The following IL32 variants were observed in gnomAD, a reference collection of about 807,000 sequenced individuals.
IL32 encodes interleukin 32, also known as interleukin-32.
A neutral mutation model predicts 16.6 loss-of-function variants in IL32; 30 were observed. That is an observed-to-expected ratio of 1.81 (90% CI 1.35 to 2.45). The LOEUF is 2.45. Among genes scored for constraint, IL32 ranks in the 30% most tolerant of loss-of-function variants. The pLI, the probability that IL32 is intolerant of heterozygous loss-of-function variation, is 0.00. For missense variants in IL32, 234 were observed against 229.8 expected (o/e 1.02, Z -0.12); for synonymous variants, 70 against 86.1 (o/e 0.81, Z 1.03).
At position 3,067,964 on chromosome 16, in the gene IL32, G is replaced by C. The variant is rs765291149; in HGVS notation, c.115-20G>C. Reference sequence around the variant, plus strand: ...GCAGAGGAGGCTTGGGCCTGGAACCGAGTGCTTTGTTCCTAACAGGTGATG... The same window carrying C: ...GCAGAGGAGGCTTGGGCCTGGAACCCAGTGCTTTGTTCCTAACAGGTGATG... On this transcript the variant is annotated intron_variant, in intron 4 of 6. Coordinates refer to ENST00000525643, the MANE Select transcript of IL32 (RefSeq NM_001376923.1). The C allele has an allele frequency of 6.2e-7, 1 of 1,613,968 alleles. No individual in the cohort carries two copies. The highest frequency in any genetic ancestry group is 8.5e-7 in the Non-Finnish European group (1 of 1,179,832).
At chr16:3,067,326 G>C in intron 2 of IL32, 51 bp from the exon 3 acceptor site, 1 of 950,412 alleles carries the variant, frequency 1.1e-6, no homozygotes, top group Non-Finnish European at 1.6e-6. Context: ...TTATCCTGGA[G>C]GAAAGGTTAA....
At chr16:3,065,583 G>A, upstream of IL32, 2 of 632,558 alleles carry the variant, frequency 3.2e-6, no homozygotes, top group Non-Finnish European at 5.7e-6. Flanking sequence ...CCTGAGAGAG[G>A]CTCCGCCCAC....
At chr16:3,066,972 TGTG>T (rs1956390518) in intron 2 of IL32, among the ~76,000 whole-genome samples, 1 of 111,774 alleles carries the variant, frequency 8.9e-6, no homozygotes, top group Non-Finnish European at 2.0e-5. Flanking sequence ...GCCCTGCTCT[TGTG>T]AGGAGGGGTC....
chr16:3,065,619 A>G (rs534234680), upstream of IL32: 1 of 702,388 alleles, frequency 1.4e-6, no homozygotes, highest in East Asian at 2.5e-5. Context: ...CCATAAAACC[A>G]GCTGAGTATT....
Position 3,068,941 on chromosome 16 carries a change from G to C in IL32, c.202-49G>C, listed in dbSNP as rs551525801. ...GAGGCCTGGGTGTGGCCAGGGCCTG[G>C]GGCTGACACCCCCACCTACAGACCC... On this transcript the variant is annotated intron_variant, in intron 6 of 6. Coordinates refer to ENST00000525643, the MANE Select transcript of IL32 (RefSeq NM_001376923.1). 61 of 1,601,080 alleles carry C rather than the reference G, an allele frequency of 3.8e-5. 2 individuals are homozygous for C. The African/African-American group carries it at 6.9e-4, about 18-fold the overall frequency.
At chr16:3,066,696 C>T (rs1049286250) in intron 2 of IL32, among the ~76,000 whole-genome samples, 1 of 152,278 alleles carries the variant, frequency 6.6e-6, no homozygotes, top group South Asian at 2.1e-4. Context: ...TAGGGTGGAC[C>T]TACCTGGCAC....
chr16:3,068,501 C>A (rs576739690), intron 6 of IL32: 1 of 491,012 alleles, frequency 2.0e-6, no homozygotes, highest in African/African-American at 1.9e-5. Context: ...TTAGTAGAGA[C>A]CAGGTTTCAC....
intron 3 of IL32, 26 bp from the exon 4 acceptor site, chr16:3,067,528 G>A: frequency 6.2e-7 from 1 of 1,614,016 alleles, no homozygotes; most frequent in East Asian, 2.2e-5. Context: ...CCGGCCCTTT[G>A]GTGCCAACTC....
rs1956234658 is a variant in IL32 at position 3,065,699 on chromosome 16, G to A, written c.-29+12G>A. 10 of 1,173,002 alleles carry A rather than the reference G, an allele frequency of 8.5e-6. No homozygotes were observed. Among genetic ancestry groups the A allele is most frequent in the Admixed American group, 1.7e-5 (1 of 59,112 alleles). The allele number at this position is 1,173,002 out of a possible 1,614,324, so 72.7% of individuals were successfully genotyped here. A position where few individuals can be genotyped will look rare whatever the true frequency, so the allele number is the denominator to read the frequency against. On this transcript the variant is annotated intron_variant, in intron 1 of 6. Coordinates refer to ENST00000525643, the MANE Select transcript of IL32 (RefSeq NM_001376923.1). ...CTGGGTCATCTCAGGTGGGGAGTTG[G>A]GGTCCCCGAAGGTGAGGACCCTCTG...
chr16:3,068,266 C>G, intron 6 of IL32, 27 bp downstream of exon 6: 1 of 1,554,130 alleles, frequency 6.4e-7, no homozygotes, highest in Non-Finnish European at 8.8e-7. Flanking sequence ...CATCTGGGCA[C>G]CTTGCCTTCC....
At chr16:3,067,219 G>A (rs1453802394) in intron 2 of IL32, among the ~76,000 whole-genome samples, 158 bp from the exon 3 acceptor site, 1 of 151,862 alleles carries the variant, frequency 6.6e-6, no homozygotes. Context: ...CAGGCTGTGA[G>A]GGGCTCCTGG....
intron 4 of IL32, 110 bp from the exon 5 acceptor site, chr16:3,067,874 G>C: frequency 1.5e-6 from 2 of 1,329,058 alleles, no homozygotes; most frequent in Non-Finnish European, 2.2e-6. Context: ...GCCCCTGGCT[G>C]GGCCCAGTTC....
intron 2 of IL32, among the ~76,000 whole-genome samples, chr16:3,066,241 C>CT (rs1567138403): frequency 1.3e-5 from 2 of 151,550 alleles, no homozygotes; most frequent in African/African-American, 4.9e-5. Context: ...CTACCACTGC[C>CT]CCACCGCAAA....
chr16:3,068,098 G>T, intron 5 of IL32, 82 bp from the exon 6 acceptor site: 1 of 1,604,564 alleles, frequency 6.2e-7, no homozygotes, highest in Non-Finnish European at 8.5e-7. Context: ...GTCCCCTTGG[G>T]AATCACCTGG....
At chr16:3,068,399 G>C in intron 6 of IL32, 160 bp downstream of exon 6, 3 of 661,606 alleles carry the variant, frequency 4.5e-6, no homozygotes, top group Non-Finnish European at 7.8e-6. Context: ...TCCAAATCTC[G>C]GGTTTAAGTG....
Position 3,067,271 on chromosome 16 carries a change from CTGTGTGTGTGT to C in IL32, c.16-105_16-95del, listed in dbSNP as rs1428839977. 26 of 603,674 alleles carry C rather than the reference CTGTGTGTGTGT, an allele frequency of 4.3e-5. No homozygotes were observed. The East Asian group carries it at 7.1e-4, about 17-fold the overall frequency. The allele number at this position is 603,674 out of a possible 1,614,324, so 37.4% of individuals were successfully genotyped here. A position where few individuals can be genotyped will look rare whatever the true frequency, so the allele number is the denominator to read the frequency against. ...TATCCTGTACCTCTGCCATGTGTCT[CTGTGTGTGTGT>C]GTGTGTGTGTGTGTGTGTGTGTGTG... On this transcript the variant is annotated intron_variant, in intron 2 of 6. Transcript: ENST00000525643.
At chr16:3,066,072 C>T (rs117411512) in intron 2 of IL32, among the ~76,000 whole-genome samples, 1,743 of 152,178 alleles carry the variant, frequency 0.011, 20 homozygotes, top group Non-Finnish European at 0.019. Context: ...CTTCACAGCC[C>T]GGAAAGCCCG....
In IL32 at chr16:3,068,373, T is replaced by G. The variant is rs1226975374; in HGVS notation, c.201+134T>G. On this transcript the variant is annotated intron_variant, in intron 6 of 6. Coordinates refer to ENST00000525643, the MANE Select transcript of IL32 (RefSeq NM_001376923.1). ...CAGGCTGGAGTGCAGTGGCATGATC[T>G]TGGCTCACTGCAACCTCCAAATCTC... The G allele has an allele frequency of 7.3e-5, 58 of 796,358 alleles. 1 individual carries two copies. The highest frequency in any genetic ancestry group is 6.0e-4 in the South Asian group (37 of 61,338). The allele number at this position is 796,358 out of a possible 1,614,324, so 49.3% of individuals were successfully genotyped here.
chr16:3,069,458 G>T lies in IL32; in HGVS notation c.*103G>T, dbSNP rs534864975. ...CCTCTCCCGCACACTCAGTCCCCCT[G>T]CCTGGCGTTCCTGCCGCAGCTCTGA... On this transcript the variant is annotated 3_prime_UTR_variant, in exon 7 of 7. Coordinates refer to ENST00000525643, the MANE Select transcript of IL32 (RefSeq NM_001376923.1). The T allele has an allele frequency of 7.6e-5, 105 of 1,376,920 alleles. No individual in the cohort carries two copies. In the African/African-American group the frequency reaches 1.3e-3, roughly 17 times the overall value. The allele number at this position is 1,376,920 out of a possible 1,614,324, so 85.3% of individuals were successfully genotyped here.
Sources: gnomAD v4.1 joint callset for allele counts (sites outside exome capture counted in the v4.1 genomes callset) on GRCh38, gnomAD v4.1.1 for gene constraint, MANE v1.5 for transcripts, NCBI Gene and HGNC (gene_info 2026-07-23, HGNC 2026-07-21) for gene names.